The following ANAPC4 variants were observed in gnomAD, a reference collection of about 807,000 sequenced individuals.
The protein encoded by ANAPC4 is anaphase-promoting complex subunit 4.
Under a neutral mutation model 119.8 loss-of-function variants are expected in ANAPC4, and 63 were observed. The ratio of observed to expected loss-of-function variants is 0.53; its 90% CI spans 0.43 to 0.65. The LOEUF is 0.65. Among genes scored for constraint, ANAPC4 ranks in the 30% least tolerant of loss-of-function variants. The probability of loss-of-function intolerance (pLI) is 0.00; values close to 1 mark genes in which losing one functional copy is unlikely to be tolerated. For synonymous variants in ANAPC4, 283 were observed against 318.6 expected (o/e 0.89, Z 1.19); for missense variants, 716 against 945.1 (o/e 0.76, Z 3.18).
At chr4:25,379,970 C>G (rs968278838) in intron 2 of ANAPC4, among the ~76,000 whole-genome samples, 1 of 152,192 alleles carries the variant, frequency 6.6e-6, no homozygotes, top group African/African-American at 2.4e-5. Flanking sequence ...AGTGATATGT[C>G]TAAGATCCAT....
At chr4:25,381,083 C>T (rs1721688239) in intron 3 of ANAPC4, among the ~76,000 whole-genome samples, 1 of 152,152 alleles carries the variant, frequency 6.6e-6, no homozygotes, top group Non-Finnish European at 1.5e-5. Context: ...TGTACACATA[C>T]AATCAGCACA....
At chr4:25,389,583 G>T (rs913301722) in intron 7 of ANAPC4, among the ~76,000 whole-genome samples, 2 of 152,178 alleles carry the variant, frequency 1.3e-5, no homozygotes, top group Non-Finnish European at 1.5e-5. Context: ...ATGAGCCACC[G>T]CACCTGGCCT....
At chr4:25,388,653 A>G (rs1722171388) in intron 5 of ANAPC4, 64 bp from the exon 6 acceptor site, 7 of 1,561,130 alleles carry the variant, frequency 4.5e-6, no homozygotes, top group African/African-American at 4.1e-5. Flanking sequence ...CAATTTTCTC[A>G]TGCGTTTTAA....
At chr4:25,403,639 C>T (rs1268278334) in intron 17 of ANAPC4, among the ~76,000 whole-genome samples, 1 of 152,162 alleles carries the variant, frequency 6.6e-6, no homozygotes, top group Admixed American at 6.5e-5. Flanking sequence ...ACTGTGGTAG[C>T]CACTAGCAAC....
At position 25,388,583 on chromosome 4, in the gene ANAPC4, C is replaced by T. The variant is rs1169620933; in HGVS notation, c.443+9C>T. On this transcript the variant is annotated intron_variant, in intron 5 of 28. Transcript: ENST00000315368. ...CCTACACTGCCAAAAAAGTATGTAT[C>T]ACTGGTTTCTTTGAAATTAATCTTG... The T allele has an allele frequency of 2.5e-6, 4 of 1,591,148 alleles. No homozygotes were observed. The highest frequency in any genetic ancestry group is 2.7e-5 in the African/African-American group (2 of 74,320).
At chr4:25,416,642 T>C in intron 27 of ANAPC4, 44 bp downstream of exon 27, 1 of 1,399,458 alleles carries the variant, frequency 7.1e-7, no homozygotes, top group Non-Finnish European at 9.5e-7. Context: ...TTAAATGTTT[T>C]TTTAATGCAC....
chr4:25,408,295 A>G (rs912003159), intron 20 of ANAPC4, among the ~76,000 whole-genome samples: 1 of 152,210 alleles, frequency 6.6e-6, no homozygotes, highest in East Asian at 1.9e-4. Context: ...CGTTTTTTAC[A>G]TTAAAATTCA....
chr4:25,414,839 T>A, intron 25 of ANAPC4, 139 bp downstream of exon 25: 1 of 800,694 alleles, frequency 1.2e-6, no homozygotes, highest in Non-Finnish European at 1.8e-6. Context: ...AGTTTTCATG[T>A]CATTAAAAGG....
At chr4:25,408,214 T>G (rs1723367144) in intron 20 of ANAPC4, among the ~76,000 whole-genome samples, 1 of 152,258 alleles carries the variant, frequency 6.6e-6, no homozygotes, top group Non-Finnish European at 1.5e-5. Context: ...TGCTTTATTA[T>G]ATCAAATGTG....
chr4:25,382,893 T>A (rs1721817674), intron 3 of ANAPC4, among the ~76,000 whole-genome samples: 1 of 152,240 alleles, frequency 6.6e-6, no homozygotes, highest in South Asian at 2.1e-4. Context: ...GCAGATGGAA[T>A]CATTGCTTAC....
intron 17 of ANAPC4, among the ~76,000 whole-genome samples, chr4:25,404,372 CT>C (rs143197655): frequency 6.6e-6 from 1 of 151,120 alleles, no homozygotes; most frequent in African/African-American, 2.4e-5. Context: ...CCTTAGAAGA[CT>C]TTTTTTTTGC....
At chr4:25,414,430 T>G (rs1375171677) in intron 23 of ANAPC4, 36 bp from the exon 24 acceptor site, 1 of 1,597,340 alleles carries the variant, frequency 6.3e-7, no homozygotes, top group South Asian at 1.1e-5. Context: ...GCAGCCAATT[T>G]AAATTTTTCT....
chr4:25,406,785 C>G, intron 18 of ANAPC4, 44 bp from the exon 19 acceptor site: 1 of 1,419,744 alleles, frequency 7.0e-7, no homozygotes, highest in East Asian at 2.3e-5. Flanking sequence ...TATTGAGCAG[C>G]TTTCTTTTAT....
At chr4:25,380,124 CCTT>C (rs1267100651) in intron 2 of ANAPC4, among the ~76,000 whole-genome samples, 1 of 152,112 alleles carries the variant, frequency 6.6e-6, no homozygotes, top group African/African-American at 2.4e-5. Context: ...TGGACAGCCG[CCTT>C]CTTTATAAAA....
chr4:25,385,105 G>A (rs1721960640), intron 4 of ANAPC4, among the ~76,000 whole-genome samples: 1 of 152,106 alleles, frequency 6.6e-6, no homozygotes, highest in African/African-American at 2.4e-5. Flanking sequence ...AGGGCTGTAG[G>A]ATTTTCAGAA....
intron 14 of ANAPC4, chr4:25,395,570 C>G (rs1722602720): frequency 6.5e-6 from 1 of 152,994 alleles, no homozygotes; most frequent in African/African-American, 2.4e-5. Flanking sequence ...CTGCCTCAGC[C>G]TCTCAAGTAG....
rs1179105632 is a variant in ANAPC4, at chr4:25,392,435, G to A, written c.789+14G>A. 1 of 1,584,866 alleles carries A rather than the reference G, an allele frequency of 6.3e-7. No homozygotes were observed. Among genetic ancestry groups the A allele is most frequent in the Non-Finnish European group, 8.7e-7 (1 of 1,155,048 alleles). On this transcript the variant is annotated intron_variant, in intron 10 of 28. Coordinates refer to ENST00000315368, the MANE Select transcript of ANAPC4 (RefSeq NM_013367.3). ...GCTCTGTTACAGGTATTTATTTAGAGCTTGTTTTATGTGAATATTTATTAT... is the reference window on the plus strand; with the variant it reads ...GCTCTGTTACAGGTATTTATTTAGAACTTGTTTTATGTGAATATTTATTAT...
chr4:25,409,842 T>A, intron 21 of ANAPC4, 51 bp downstream of exon 21: 3 of 1,319,426 alleles, frequency 2.3e-6, no homozygotes, highest in Non-Finnish European at 3.3e-6. Flanking sequence ...TATTTAAGAC[T>A]AGGTCTTGAA....
At chr4:25,411,616 G>A (rs1321615417) in intron 21 of ANAPC4, among the ~76,000 whole-genome samples, 2 of 152,160 alleles carry the variant, frequency 1.3e-5, no homozygotes, top group African/African-American at 4.8e-5. Context: ...CTACTTCGTA[G>A]TAACACGGCT....
Sources: allele counts gnomAD v4.1 joint callset (sites outside exome capture counted in the v4.1 genomes callset), GRCh38; gene constraint gnomAD v4.1.1; transcripts MANE v1.5; gene names NCBI Gene and HGNC (gene_info 2026-07-23, HGNC 2026-07-21).